The following CEP63 variants were observed in gnomAD, a reference collection of about 807,000 sequenced individuals.
CEP63 encodes centrosomal protein of 63 kDa.
CEP63 carries 84 observed loss-of-function variants against 89.1 expected under a neutral mutation model. The ratio of observed to expected loss-of-function variants is 0.94; its 90% CI spans 0.79 to 1.13. CEP63 has a LOEUF of 1.13. CEP63 is among the 50% of genes most tolerant of loss of function. The pLI, the probability that CEP63 is intolerant of heterozygous loss-of-function variation, is 0.00. For missense variants in CEP63, 838 were observed against 813.3 expected (o/e 1.03, Z -0.37); for synonymous variants, 267 against 272.5 (o/e 0.98, Z 0.20).
intron 2 of CEP63, among the ~76,000 whole-genome samples, chr3:134,498,516 A>G (rs1267930586): frequency 1.3e-5 from 2 of 152,096 alleles, no homozygotes; most frequent in Non-Finnish European, 2.9e-5. Flanking sequence ...CAACAATTTG[A>G]CTTCCTCCTT....
At chr3:134,653,482 G>A in the CEP63 span, among the ~76,000 whole-genome samples, 6 of 152,188 alleles carry the variant, frequency 3.9e-5, no homozygotes, top group Non-Finnish European at 7.4e-5. Context: ...CAACAGCCTA[G>A]CTTCTGGGGC....
chr3:134,777,388 C>CT, the CEP63 span, among the ~76,000 whole-genome samples: 32 of 151,992 alleles, frequency 2.1e-4, no homozygotes, highest in African/African-American at 7.0e-4. Flanking sequence ...AGAAAATGAT[C>CT]TTTTTTTTCA....
At chr3:134,761,347 A>G in the CEP63 span, among the ~76,000 whole-genome samples, 2 of 152,302 alleles carry the variant, frequency 1.3e-5, no homozygotes, top group Non-Finnish European at 2.9e-5. Flanking sequence ...GGTGTGGAAC[A>G]AGGCCTGCTG....
the CEP63 span, among the ~76,000 whole-genome samples, chr3:134,707,236 T>C: frequency 6.6e-6 from 1 of 152,206 alleles, no homozygotes; most frequent in African/African-American, 2.4e-5. Flanking sequence ...AGGAGACACA[T>C]ACATATGCAA....
chr3:134,589,935 A>G (rs1001143110), downstream of CEP63, among the ~76,000 whole-genome samples: 1 of 152,210 alleles, frequency 6.6e-6, no homozygotes, highest in Non-Finnish European at 1.5e-5. Context: ...GCATCAAATC[A>G]TGTCTTTTCA....
At position 134,559,288 on chromosome 3, in the gene CEP63, C is replaced by T; in HGVS notation, c.1812C>T (p.Ser604=). 1 of 1,614,126 alleles carries T rather than the reference C, an allele frequency of 6.2e-7. No homozygotes were observed. Among genetic ancestry groups the T allele is most frequent in the Non-Finnish European group, 8.5e-7 (1 of 1,180,018 alleles). The part of the protein sequence containing the change: ...RVLSPLSPQI[S]PCSSTRSLTS... ...TAAGCCCCCTGAGTCCTCAAATCAG[C>T]CCTTGCAGCTCCACCAGGTCTTTGA... The change falls in exon 14 of 15, where the codon AGC becomes AGT. Residue 604 remains serine, a synonymous_variant. Transcript: ENST00000675561.
chr3:134,486,681 T>A (rs1004237989), intron 1 of CEP63: 2 of 342,786 alleles, frequency 5.8e-6, no homozygotes, highest in African/African-American at 4.4e-5. Flanking sequence ...TGGGACTACT[T>A]CATTCACGGC....
chr3:134,644,196 A>T, the CEP63 span, among the ~76,000 whole-genome samples: 1 of 152,124 alleles, frequency 6.6e-6, no homozygotes, highest in Non-Finnish European at 1.5e-5. Flanking sequence ...AGACGGGATG[A>T]TGTGTAGTTT....
At chr3:134,679,390 G>A in the CEP63 span, among the ~76,000 whole-genome samples, 1 of 152,088 alleles carries the variant, frequency 6.6e-6, no homozygotes, top group South Asian at 2.1e-4. Flanking sequence ...ACAATATCTG[G>A]CCACAGAGCA....
chr3:134,716,612 C>T, the CEP63 span, among the ~76,000 whole-genome samples: 1 of 152,070 alleles, frequency 6.6e-6, no homozygotes, highest in African/African-American at 2.4e-5. Context: ...CCTGAACCTC[C>T]CCTTCTTATT....
chr3:134,688,775 A>G, the CEP63 span, among the ~76,000 whole-genome samples: 1 of 152,182 alleles, frequency 6.6e-6, no homozygotes, highest in African/African-American at 2.4e-5. Context: ...GGCAAGGCAA[A>G]TGGCTGAGAC....
chr3:134,545,023 CTCATTCTGTCACTA>C (rs1952942134), intron 6 of CEP63, among the ~76,000 whole-genome samples: 1 of 152,040 alleles, frequency 6.6e-6, no homozygotes, highest in African/African-American at 2.4e-5. Flanking sequence ...GAGACAGAGT[CTCATTCTGTCACTA>C]GGCTGCAGTG....
chr3:134,544,160 A>G (rs1952677713), intron 6 of CEP63, among the ~76,000 whole-genome samples: 1 of 152,216 alleles, frequency 6.6e-6, no homozygotes, highest in Non-Finnish European at 1.5e-5. Context: ...TGCAATAGAT[A>G]GATTTCCCAG....
chr3:134,517,416 T>C (rs1946491846), intron 3 of CEP63, among the ~76,000 whole-genome samples: 1 of 152,192 alleles, frequency 6.6e-6, no homozygotes, highest in African/African-American at 2.4e-5. Context: ...TAGTAACTGA[T>C]GGAATAAGAG....
intron 2 of CEP63, among the ~76,000 whole-genome samples, chr3:134,500,603 AT>A (rs1196746317): frequency 2.0e-5 from 3 of 152,056 alleles, no homozygotes; most frequent in African/African-American, 4.8e-5. Flanking sequence ...AACATCTGTT[AT>A]TTTTTGACTT....
chr3:134,533,571 AAT>A (rs914391629), intron 5 of CEP63, among the ~76,000 whole-genome samples: 4 of 152,230 alleles, frequency 2.6e-5, no homozygotes, highest in Non-Finnish European at 5.9e-5. Context: ...CTGGTGAGCT[AAT>A]AGTACCAAGA....
chr3:134,760,504 G>T, the CEP63 span, among the ~76,000 whole-genome samples: 1 of 152,194 alleles, frequency 6.6e-6, no homozygotes, highest in African/African-American at 2.4e-5. Context: ...TGTCTGTGTG[G>T]TGTATCCACA....
downstream of CEP63, among the ~76,000 whole-genome samples, chr3:134,569,794 C>G (rs961752818): frequency 5.3e-5 from 8 of 152,248 alleles, no homozygotes; most frequent in African/African-American, 1.9e-4. Context: ...CCCTTTCGCA[C>G]TGCCCTAGCA....
chr3:134,779,365 T>G, the CEP63 span, among the ~76,000 whole-genome samples: 1 of 152,202 alleles, frequency 6.6e-6, no homozygotes, highest in East Asian at 1.9e-4. Context: ...TTTTCTATTT[T>G]ACAATGATGG....
Sources: allele counts gnomAD v4.1 joint callset (sites outside exome capture counted in the v4.1 genomes callset), GRCh38; gene constraint gnomAD v4.1.1; transcripts MANE v1.5; gene names NCBI Gene and HGNC (gene_info 2026-07-23, HGNC 2026-07-21).